Variants in ARHGAP8 observed in about 807,000 individuals in gnomAD.
The protein encoded by ARHGAP8 is Rho GTPase activating protein 8.
Under a neutral mutation model 46.1 loss-of-function variants are expected in ARHGAP8, and 62 were observed. That is an observed-to-expected ratio of 1.34 (90% CI 1.10 to 1.66). ARHGAP8 has a LOEUF of 1.66. Ranked by LOEUF, ARHGAP8 falls within the 40% of genes most tolerant of loss-of-function variation. ARHGAP8 has a pLI of 0.00. For missense variants in ARHGAP8, 923 were observed against 568.4 expected (o/e 1.62, Z -6.34); for synonymous variants, 375 against 243.1 (o/e 1.54, Z -5.05).
intron 10 of ARHGAP8, among the ~76,000 whole-genome samples, chr22:44,858,710 G>A (rs554740558): frequency 3.4e-4 from 51 of 149,450 alleles, no homozygotes; most frequent in African/African-American, 1.3e-3. Flanking sequence ...GAGCTCCAGT[G>A]GTAGATGTGG....
intron 10 of ARHGAP8, chr22:44,849,423 A>G (rs2070041487): frequency 7.1e-6 from 2 of 281,790 alleles, no homozygotes; most frequent in South Asian, 8.7e-5. Flanking sequence ...TCTCTCATCT[A>G]GAAAGGGCTC....
At chr22:44,756,721 A>G (rs1159787098) in intron 1 of ARHGAP8, among the ~76,000 whole-genome samples, 5 of 151,778 alleles carry the variant, frequency 3.3e-5, no homozygotes, top group Non-Finnish European at 5.9e-5. Flanking sequence ...TGTAAGTTGA[A>G]TCCCTTTTCT....
intron 7 of ARHGAP8, among the ~76,000 whole-genome samples, chr22:44,840,287 G>A (rs758206089): frequency 3.9e-5 from 6 of 152,348 alleles, no homozygotes; most frequent in South Asian, 2.1e-4. Context: ...CCTGAAATCA[G>A]GATCTCGGCA....
intron 7 of ARHGAP8, among the ~76,000 whole-genome samples, chr22:44,832,915 C>T (rs1330892554): frequency 1.3e-5 from 2 of 151,808 alleles, no homozygotes; most frequent in African/African-American, 4.8e-5. Flanking sequence ...TCACTTGAGG[C>T]CGGGAGTTCA....
intron 2 of ARHGAP8, among the ~76,000 whole-genome samples, chr22:44,791,090 G>A (rs1927648378): frequency 1.3e-5 from 2 of 152,078 alleles, no homozygotes; most frequent in Admixed American, 1.3e-4. Context: ...GGTACCCCGG[G>A]GACTGGGAAC....
chr22:44,858,936 A>C (rs2070331216), intron 10 of ARHGAP8, among the ~76,000 whole-genome samples: 1 of 151,766 alleles, frequency 6.6e-6, no homozygotes, highest in African/African-American at 2.4e-5. Flanking sequence ...TCTCTGTTGC[A>C]ACTACTCAGC....
intron 3 of ARHGAP8, among the ~76,000 whole-genome samples, chr22:44,807,405 G>T (rs1929009395): frequency 6.6e-6 from 1 of 150,470 alleles, no homozygotes; most frequent in South Asian, 2.1e-4. Context: ...ACCATAGGGG[G>T]TGGCGGGCGA....
chr22:44,825,545 C>A lies in ARHGAP8; in HGVS notation c.548C>A (p.Pro183Gln), dbSNP rs376772948. Residue 183 changes from proline (P) to glutamine (Q), a missense_variant, in exon 7 of 12, where the codon CCG (proline) becomes CAG (glutamine). By Grantham distance (76) the Pro-to-Gln change is moderately conservative. Transcript: ENST00000356099. Reference protein sequence around the residue: ...GRTPPPTKTPPPRPPLPTQQF... With the variant: ...GRTPPPTKTPQPRPPLPTQQF... ...ACGCCGCCTCCCACCAAGACACCAC[C>A]GCCGCGGCCCCCGCTGCCCACACAG... 2.5e-5 allele frequency: 40 copies of A among 1,613,348 alleles called. No homozygotes were observed. Among genetic ancestry groups the A allele is most frequent in the Non-Finnish European group, 3.4e-5 (40 of 1,179,828 alleles).
intron 7 of ARHGAP8, among the ~76,000 whole-genome samples, chr22:44,833,096 CTT>C (rs533794156): frequency 7.1e-4 from 85 of 120,408 alleles, no homozygotes; most frequent in African/African-American, 1.8e-3. Flanking sequence ...CTTTTCTTTT[CTT>C]TTTTTTTTTT....
intron 3 of ARHGAP8, 83 bp downstream of exon 3, chr22:44,802,247 C>A: frequency 6.5e-7 from 1 of 1,546,972 alleles, no homozygotes; most frequent in South Asian, 1.2e-5. Context: ...CACTCTGAGT[C>A]ATCTGCTGTG....
intron 1 of ARHGAP8, among the ~76,000 whole-genome samples, chr22:44,762,720 T>A (rs1026249899): frequency 6.6e-6 from 1 of 151,972 alleles, no homozygotes. Flanking sequence ...ATTTTTGTAT[T>A]TTTATTAGAG....
intron 1 of ARHGAP8, among the ~76,000 whole-genome samples, chr22:44,762,544 T>TC (rs1491309152): frequency 9.1e-5 from 2 of 21,974 alleles, no homozygotes; most frequent in African/African-American, 2.5e-4. Flanking sequence ...TCTCTCTCTC[T>TC]TTTTTTTTTT....
Position 44,856,944 on chromosome 22 carries a change from CT to C in ARHGAP8, c.878-2774del, listed in dbSNP as rs541676137. ...TGGGAGGCTGACTTGAGTAAGAATT[CT>C]TTTTTTTTTTTTGAGACGGAGTTTT... On this transcript the variant is annotated intron_variant, in intron 10 of 11. Coordinates refer to ENST00000356099, the MANE Select transcript of ARHGAP8 (RefSeq NM_181335.3). Among the ~76,000 whole-genome samples, 193 of 133,184 alleles carry C rather than the reference CT, an allele frequency of 1.4e-3. 2 individuals are homozygous for C. The highest frequency in any genetic ancestry group is 1.4e-3 in the Admixed American group (19 of 13,794). The allele number at this position is 133,184 out of a possible 152,430, so 87.4% of individuals were successfully genotyped here. A position where few individuals can be genotyped will look rare whatever the true frequency, so the allele number is the denominator to read the frequency against.
intron 10 of ARHGAP8, among the ~76,000 whole-genome samples, chr22:44,853,628 A>G (rs1017163285): frequency 1.3e-5 from 2 of 152,236 alleles, no homozygotes; most frequent in African/African-American, 4.8e-5. Flanking sequence ...AAGAATGGGA[A>G]TTGACCTATG....
intron 1 of ARHGAP8, among the ~76,000 whole-genome samples, chr22:44,763,491 C>G (rs376319271): frequency 2.5e-5 from 2 of 78,506 alleles, no homozygotes; most frequent in African/African-American, 5.1e-5. Flanking sequence ...GACTCTGTCT[C>G]AAAAAAAAAA....
intron 2 of ARHGAP8, among the ~76,000 whole-genome samples, chr22:44,797,033 G>A (rs904142876): frequency 6.6e-5 from 10 of 152,078 alleles, no homozygotes; most frequent in South Asian, 2.1e-4. Context: ...CATTTCCCCC[G>A]GATCCCTTTC....
chr22:44,769,301 T>C (rs941823817), intron 1 of ARHGAP8, among the ~76,000 whole-genome samples: 2 of 152,256 alleles, frequency 1.3e-5, no homozygotes, highest in African/African-American at 2.4e-5. Flanking sequence ...TTCGAGACTT[T>C]CTGTTCCATT....
intron 7 of ARHGAP8, among the ~76,000 whole-genome samples, chr22:44,832,482 T>C (rs1368925021): frequency 6.6e-6 from 1 of 152,174 alleles, no homozygotes; most frequent in Non-Finnish European, 1.5e-5. Flanking sequence ...TGCATCAGCC[T>C]CCCAAAGTGC....
chr22:44,774,471 T>C (rs2147020859), intron 1 of ARHGAP8, among the ~76,000 whole-genome samples: 1 of 152,210 alleles, frequency 6.6e-6, no homozygotes, highest in Admixed American at 6.5e-5. Flanking sequence ...TAGCAGAGAC[T>C]GTATGACATT....
Sources: gnomAD v4.1 joint callset for allele counts (sites outside exome capture counted in the v4.1 genomes callset) on GRCh38, gnomAD v4.1.1 for gene constraint, MANE v1.5 for transcripts, NCBI Gene and HGNC (gene_info 2026-07-23, HGNC 2026-07-21) for gene names.